The following GLRA3 variants were observed in gnomAD, a reference collection of about 807,000 sequenced individuals.
GLRA3 encodes the protein glycine receptor alpha 3, also known as glycine receptor subunit alpha-3.
Under a neutral mutation model 60.4 loss-of-function variants are expected in GLRA3, and 44 were observed. The observed-to-expected ratio is 0.73, with a 90% CI of 0.57 to 0.94. The LOEUF (loss-of-function observed/expected upper bound fraction) is 0.94, where lower values mean the gene tolerates loss of function less well. Ranked by LOEUF, GLRA3 falls within the 40% of genes least tolerant of loss-of-function variation. The pLI, the probability that GLRA3 is intolerant of heterozygous loss-of-function variation, is 0.00. For synonymous variants in GLRA3, 223 were observed against 192.9 expected, an observed-to-expected ratio of 1.16 and a Z score of -1.29; for missense variants, 508 against 564.6, an observed-to-expected ratio of 0.90 and a Z score of 1.02.
At chr4:174,733,517 C>T (rs1579523374) in intron 3 of GLRA3, among the ~76,000 whole-genome samples, 1 of 152,068 alleles carries the variant, frequency 6.6e-6, no homozygotes, top group Non-Finnish European at 1.5e-5. Flanking sequence ...ACCTCAGAAC[C>T]TTCCCCCCTC....
intron 5 of GLRA3, among the ~76,000 whole-genome samples, chr4:174,712,072 C>G (rs2111084632): frequency 6.6e-6 from 1 of 151,982 alleles, no homozygotes; most frequent in East Asian, 1.9e-4. Context: ...TTCTCTTACC[C>G]TGGATTTTCC....
chr4:174,792,166 A>G (rs1739372774), intron 1 of GLRA3, among the ~76,000 whole-genome samples: 1 of 152,144 alleles, frequency 6.6e-6, no homozygotes, highest in African/African-American at 2.4e-5. Flanking sequence ...CATGCACACA[A>G]CCCTGGGTGT....
chr4:174,820,990 T>A (rs1336029716), intron 1 of GLRA3, among the ~76,000 whole-genome samples: 2 of 152,134 alleles, frequency 1.3e-5, no homozygotes, highest in Non-Finnish European at 2.9e-5. Context: ...AGAGCTAATA[T>A]CAGGACCAAC....
chr4:174,692,324 C>T (rs1211507033), intron 5 of GLRA3, among the ~76,000 whole-genome samples: 24 of 146,022 alleles, frequency 1.6e-4, no homozygotes, highest in Non-Finnish European at 1.5e-5. Context: ...GTGGGGGGGT[C>T]AGCCCCCCGC....
In GLRA3 at chr4:174,746,592, C is replaced by T. The variant is rs547406469; in HGVS notation, c.268-17894G>A. Among the ~76,000 whole-genome samples, 147 of 152,150 alleles carry T rather than the reference C, an allele frequency of 9.7e-4. 1 individual carries two copies. In the South Asian group the frequency reaches 0.021, roughly 22 times the overall value. ...ATAAATTCTAGAGTTTGATAGAGGA[C>T]GAGAATGGCTATACTTAGCAACAAT... is the stretch of plus-strand genomic sequence containing the variant. On this transcript the variant is annotated intron_variant, in intron 3 of 9. Coordinates refer to ENST00000274093, the MANE Select transcript of GLRA3 (RefSeq NM_006529.4).
In GLRA3 at chr4:174,642,154, T is replaced by C. The variant is rs534975911; in HGVS notation, c.*1632A>G. The C allele has an allele frequency of 9.3e-6, 8 of 855,758 alleles. No homozygotes were observed. In the South Asian group the frequency reaches 4.3e-4, roughly 46 times the overall value. 53.0% of individuals were successfully genotyped at this position (855,758 alleles called of 1,614,324 possible). A position where few individuals can be genotyped will look rare whatever the true frequency, so the allele number is the denominator to read the frequency against. ...AGCAAAAACTGCTTAACATTTACTA[T>C]TTTTTAAAATGTTATTTTAAAAAAT... On this transcript the variant is annotated 3_prime_UTR_variant, in exon 10 of 10. Coordinates refer to ENST00000274093, the MANE Select transcript of GLRA3 (RefSeq NM_006529.4).
intron 4 of GLRA3, among the ~76,000 whole-genome samples, chr4:174,726,321 C>G (rs150819584): frequency 6.6e-5 from 10 of 152,256 alleles, no homozygotes; most frequent in African/African-American, 2.4e-4. Context: ...TTGTCCTTTC[C>G]TGACACTATC....
intron 9 of GLRA3, among the ~76,000 whole-genome samples, chr4:174,647,642 A>G (rs1352295678): frequency 6.6e-6 from 1 of 152,180 alleles, no homozygotes; most frequent in African/African-American, 2.4e-5. Flanking sequence ...GCCACAAATA[A>G]AAGCCATGTG....
At chr4:174,706,303 A>G (rs1735521169) in intron 5 of GLRA3, among the ~76,000 whole-genome samples, 1 of 152,168 alleles carries the variant, frequency 6.6e-6, no homozygotes, top group Admixed American at 6.5e-5. Flanking sequence ...CTATCGATAA[A>G]TCTTCAGGAA....
chr4:174,736,293 TA>T (rs1736785621), intron 3 of GLRA3, among the ~76,000 whole-genome samples: 1 of 151,840 alleles, frequency 6.6e-6, no homozygotes, highest in Admixed American at 6.6e-5. Flanking sequence ...TTTAAAATTT[TA>T]AAAATTTAAA....
chr4:174,754,288 T>A (rs1315223213), intron 3 of GLRA3, among the ~76,000 whole-genome samples: 4 of 152,156 alleles, frequency 2.6e-5, no homozygotes, highest in African/African-American at 9.7e-5. Context: ...CCATTTCTGA[T>A]TGATGCTTAT....
At chr4:174,675,126 T>C (rs72706149) in intron 7 of GLRA3, among the ~76,000 whole-genome samples, 20,504 of 152,154 alleles carry the variant, frequency 0.13, 1,542 homozygotes, top group Middle Eastern at 0.21. Flanking sequence ...TCAATTCCTT[T>C]TGTGGGTCAG....
chr4:174,713,910 A>G (rs1365582001), intron 5 of GLRA3: 1 of 152,154 alleles, frequency 6.6e-6, no homozygotes, highest in African/African-American at 2.4e-5. Flanking sequence ...ATTAAGATGG[A>G]TTTTATCAAT....
intron 2 of GLRA3, among the ~76,000 whole-genome samples, chr4:174,772,815 A>G (rs144668125): frequency 0.019 from 2,946 of 152,286 alleles, 46 homozygotes; most frequent in Middle Eastern, 0.037. Context: ...CAGAAAAAAC[A>G]GAAATTTATG....
chr4:174,765,178 A>G (rs1367754243), intron 3 of GLRA3, among the ~76,000 whole-genome samples: 1 of 77,814 alleles, frequency 1.3e-5, no homozygotes, highest in African/African-American at 4.2e-5. Flanking sequence ...GCTATTCTAT[A>G]AAGTCTGGCT....
At chr4:174,668,420 A>G (rs1210760472) in intron 7 of GLRA3, among the ~76,000 whole-genome samples, 1 of 152,190 alleles carries the variant, frequency 6.6e-6, no homozygotes, top group Non-Finnish European at 1.5e-5. Flanking sequence ...AGTGAGCTGT[A>G]TTATAACTAC....
intron 4 of GLRA3, chr4:174,722,558 A>G (rs1019460910): frequency 1.3e-5 from 2 of 152,426 alleles, no homozygotes; most frequent in African/African-American, 4.8e-5. Context: ...TTTCCTAAAC[A>G]TGTTATCACT....
rs28678688 is a variant in GLRA3, at chr4:174,667,369, A to T, written c.928-8172T>A. Among the ~76,000 whole-genome samples the T allele has an allele frequency of 9.6e-3, 1,460 of 152,232 alleles. 17 individuals are homozygous for T. Among genetic ancestry groups the T allele is most frequent in the South Asian group, 0.056 (271 of 4,826 alleles). ...ATCCTCATAAGCACAGAATTGAGGA[A>T]CCTGTGGATTATGATCTGATCACTG... is the stretch of plus-strand genomic sequence containing the variant. On this transcript the variant is annotated intron_variant, in intron 7 of 9. Transcript: ENST00000274093.
At chr4:174,658,926 A>AG (rs1207858582) in intron 8 of GLRA3, 128 bp downstream of exon 8, 7 of 778,832 alleles carry the variant, frequency 9.0e-6, no homozygotes, top group Non-Finnish European at 1.2e-5. Flanking sequence ...TTGGAAAAAA[A>AG]TGAAAGGAAT....
Sources: allele counts gnomAD v4.1 joint callset (sites outside exome capture counted in the v4.1 genomes callset), GRCh38; gene constraint gnomAD v4.1.1; transcripts MANE v1.5; gene names NCBI Gene and HGNC (gene_info 2026-07-23, HGNC 2026-07-21).